The following RBM34 variants were observed in gnomAD, a reference collection of about 807,000 sequenced individuals.
The protein encoded by RBM34 is RNA binding motif protein 34, also known as RNA-binding protein 34.
A neutral mutation model predicts 44.6 loss-of-function variants in RBM34; 39 were observed. The ratio of observed to expected loss-of-function variants is 0.87; its 90% CI spans 0.68 to 1.14. The LOEUF (loss-of-function observed/expected upper bound fraction) is 1.14. Among genes scored for constraint, RBM34 ranks in the 50% most tolerant of loss-of-function variants. The pLI, the probability that RBM34 is intolerant of heterozygous loss-of-function variation, is 0.00. For missense variants in RBM34, 572 were observed against 517.9 expected, an observed-to-expected ratio of 1.10 and a Z score of -1.01; for synonymous variants, 194 against 184.0, an observed-to-expected ratio of 1.05 and a Z score of -0.44.
Position 235,131,698 on chromosome 1 carries a change from A to G in RBM34, c.*15T>C. ...AGCAGTACTCAGCAGGAAAAGAAAA[A>G]GCAGTTCCTGGTTGTTATTTCTGTT... is the stretch of plus-strand genomic sequence containing the variant. On this transcript the variant is annotated 3_prime_UTR_variant, in exon 11 of 11. Coordinates refer to ENST00000408888, the MANE Select transcript of RBM34 (RefSeq NM_015014.4). 2 of 1,575,828 alleles carry G rather than the reference A, an allele frequency of 1.3e-6. No homozygotes were observed. Among genetic ancestry groups the G allele is most frequent in the South Asian group, 2.4e-5 (2 of 84,710 alleles).
chr1:235,141,160 G>A (rs1209534161), intron 6 of RBM34, among the ~76,000 whole-genome samples: 1 of 151,742 alleles, frequency 6.6e-6, no homozygotes. Flanking sequence ...TTTAGCTCAA[G>A]GTTTGTGAGT....
chr1:235,156,981 C>A (rs1304111474), intron 3 of RBM34, among the ~76,000 whole-genome samples: 1 of 152,174 alleles, frequency 6.6e-6, no homozygotes, highest in Non-Finnish European at 1.5e-5. Flanking sequence ...CCCCTGAGGA[C>A]AGGGTCCATG....
Position 235,161,022 on chromosome 1 carries a change from G to A in RBM34, c.99C>T (p.Tyr33=), listed in dbSNP as rs1350254364. 2 of 1,614,080 alleles carry A rather than the reference G, an allele frequency of 1.2e-6. No homozygotes were observed. Among genetic ancestry groups the A allele is most frequent in the South Asian group, 2.2e-5 (2 of 91,076 alleles). ...DGVRGSPPED[Y]RLGQVASSLF... ...AGCTACTGGCGACCTGTCCAAGCCT[G>A]TAGTCTTCCGGCGGACTCCCGCGAA... is the stretch of plus-strand genomic sequence containing the variant. The change falls in exon 2 of 11, where the codon TAC becomes TAT. Residue 33 remains tyrosine (Y), a synonymous_variant. Transcript: ENST00000408888.
intron 6 of RBM34, among the ~76,000 whole-genome samples, chr1:235,148,019 G>A (rs1661979349): frequency 6.6e-6 from 1 of 152,124 alleles, no homozygotes; most frequent in African/African-American, 2.4e-5. Flanking sequence ...ACGCCAAGTG[G>A]TCACAGGCTG....
At chr1:235,141,574 T>C (rs1217731497) in intron 6 of RBM34, among the ~76,000 whole-genome samples, 1 of 152,148 alleles carries the variant, frequency 6.6e-6, no homozygotes, top group Non-Finnish European at 1.5e-5. Flanking sequence ...GGCAAGCCAC[T>C]CGGGTCCCCT....
At chr1:235,149,828 A>G (rs1210221323) in intron 5 of RBM34, among the ~76,000 whole-genome samples, 1 of 152,236 alleles carries the variant, frequency 6.6e-6, no homozygotes, top group Admixed American at 6.5e-5. Context: ...TCTTTTCTGG[A>G]AAACCTATTT....
In RBM34 at chr1:235,148,531, A is replaced by T. The variant is rs1363351505; in HGVS notation, c.658-84T>A. ...TATTTTAAGTGAAGTCTAAGTATCT[A>T]ACTCCAGTACACTGTGATCAAAAAC... On this transcript the variant is annotated intron_variant, in intron 5 of 10. Coordinates refer to ENST00000408888, the MANE Select transcript of RBM34 (RefSeq NM_015014.4). The T allele has an allele frequency of 4.0e-6, 4 of 1,004,558 alleles. No individual in the cohort carries two copies. The African/African-American group carries it at 6.6e-5, about 17-fold the overall frequency. The allele number at this position is 1,004,558 out of a possible 1,614,324, so 62.2% of individuals were successfully genotyped here.
chr1:235,155,876 C>CACATATATACT (rs1553275389), intron 3 of RBM34, among the ~76,000 whole-genome samples: 1 of 84,514 alleles, frequency 1.2e-5, no homozygotes, highest in Admixed American at 1.2e-4. Flanking sequence ...TACATATATA[C>CACATATATACT]TTTTTTTTTT....
At chr1:235,156,828 T>G (rs1662467970) in intron 3 of RBM34, 1 of 304,856 alleles carries the variant, frequency 3.3e-6, no homozygotes, top group African/African-American at 2.2e-5. Context: ...CCTCCAACAG[T>G]GCAGTGAAGA....
At chr1:235,153,900 A>G (rs1011871503) in intron 4 of RBM34, among the ~76,000 whole-genome samples, 3 of 152,178 alleles carry the variant, frequency 2.0e-5, no homozygotes, top group Non-Finnish European at 4.4e-5. Flanking sequence ...GGACATCTTC[A>G]TTCTTTAAAC....
intron 3 of RBM34, among the ~76,000 whole-genome samples, chr1:235,157,441 C>T (rs1662499306): frequency 6.6e-6 from 1 of 152,204 alleles, no homozygotes; most frequent in South Asian, 2.1e-4. Flanking sequence ...AGTGGTAGCG[C>T]TCATGCCAAG....
rs1209275221 is a variant in RBM34, at chr1:235,161,043, G to A, written c.78C>T (p.Arg26=). 3.1e-6 allele frequency: 5 copies of A among 1,613,756 alleles called. No homozygotes were observed. Among genetic ancestry groups the A allele is most frequent in the East Asian group, 4.5e-5 (2 of 44,892 alleles). Residue 26 remains arginine, a synonymous_variant, in exon 2 of 11, where the codon CGC becomes CGT. Coordinates refer to ENST00000408888, the MANE Select transcript of RBM34 (RefSeq NM_015014.4). ...QEGENPDDGV[R]GSPPEDYRLG... is the part of the protein sequence containing the mutation. ...GCCTGTAGTCTTCCGGCGGACTCCC[G>A]CGAACGCCGTCGTCAGGATTCTCTC...
At chr1:235,141,836 G>A (rs1195046354) in intron 6 of RBM34, among the ~76,000 whole-genome samples, 3 of 152,108 alleles carry the variant, frequency 2.0e-5, no homozygotes, top group Admixed American at 2.0e-4. Context: ...GAACCCACCA[G>A]AAGGAAGAAA....
At chr1:235,139,661 T>C (rs1160336216) in intron 6 of RBM34, among the ~76,000 whole-genome samples, 1 of 151,972 alleles carries the variant, frequency 6.6e-6, no homozygotes, top group Non-Finnish European at 1.5e-5. Context: ...AGAAAGTGCA[T>C]CACTCCTGCT....
intron 5 of RBM34, 21 bp from the exon 6 acceptor site, chr1:235,148,468 G>C: frequency 6.4e-7 from 1 of 1,551,274 alleles, no homozygotes; most frequent in Non-Finnish European, 8.7e-7. Flanking sequence ...AAAAAAAAAA[G>C]TATTAAAGAC....
Position 235,136,905 on chromosome 1 carries a change from C to T in RBM34, c.850-832G>A, listed in dbSNP as rs143506519. 2.6e-5 allele frequency among the ~76,000 whole-genome samples: 4 copies of T among 152,278 alleles called. No homozygotes were observed. In the East Asian group the frequency reaches 7.7e-4, roughly 29 times the overall value. ...TCTCCTGAGTGAATTAGTTTCTGTC[C>T]TCACCATTTATACTGTTTTTCCTCC... On this transcript the variant is annotated intron_variant, in intron 8 of 10. Coordinates refer to ENST00000408888, the MANE Select transcript of RBM34 (RefSeq NM_015014.4).
At chr1:235,152,642 G>C in intron 5 of RBM34, 64 bp downstream of exon 5, 1 of 1,571,908 alleles carries the variant, frequency 6.4e-7, no homozygotes, top group Non-Finnish European at 8.6e-7. Context: ...ACAGCAATAA[G>C]TTCATCTGAT....
intron 8 of RBM34, 31 bp from the exon 9 acceptor site, chr1:235,136,104 C>A (rs775120829): frequency 1.3e-6 from 2 of 1,562,052 alleles, no homozygotes; most frequent in South Asian, 2.3e-5. Flanking sequence ...ATAAAAATCA[C>A]TCACTAGACC....
chr1:235,159,367 T>C (rs947043827), intron 3 of RBM34, among the ~76,000 whole-genome samples: 7 of 151,762 alleles, frequency 4.6e-5, no homozygotes, highest in Non-Finnish European at 8.8e-5. Context: ...CTGGTCAATA[T>C]GGTGACACCC....
Sources: allele counts gnomAD v4.1 joint callset (sites outside exome capture counted in the v4.1 genomes callset), GRCh38; gene constraint gnomAD v4.1.1; transcripts MANE v1.5; gene names NCBI Gene and HGNC (gene_info 2026-07-23, HGNC 2026-07-21).